The following CSMD1 variants were observed in gnomAD, a reference collection of about 807,000 sequenced individuals.
CSMD1 encodes CUB and sushi domain-containing protein 1.
Under a neutral mutation model 417.5 loss-of-function variants are expected in CSMD1, and 213 were observed. The ratio of observed to expected loss-of-function variants is 0.51; its 90% confidence interval spans 0.46 to 0.57. CSMD1 has a LOEUF of 0.57. Among genes scored for constraint, CSMD1 ranks in the 20% least tolerant of loss-of-function variants. CSMD1 has a pLI of 0.00. For synonymous variants in CSMD1, 2,862 were observed against 1,736.8 expected (o/e 1.65, Z -16.11); for missense variants, 6,923 against 4,529.7 (o/e 1.53, Z -15.17).
At chr8:3,104,975 G>A (rs1231592584) in intron 46 of CSMD1, among the ~76,000 whole-genome samples, 1 of 152,088 alleles carries the variant, frequency 6.6e-6, no homozygotes, top group Non-Finnish European at 1.5e-5. Flanking sequence ...CAGAATGCTG[G>A]GATTACAGGC....
chr8:4,082,241 T>C (rs1192076093), intron 3 of CSMD1, among the ~76,000 whole-genome samples: 1 of 152,250 alleles, frequency 6.6e-6, no homozygotes, highest in East Asian at 1.9e-4. Context: ...ATGGACAAAG[T>C]CCTAGAAAAT....
intron 3 of CSMD1, among the ~76,000 whole-genome samples, chr8:4,411,834 T>C (rs184737761): frequency 7.9e-5 from 12 of 152,360 alleles, no homozygotes; most frequent in Admixed American, 7.8e-4. Flanking sequence ...CTTTTATTTA[T>C]ATTTTTACCA....
intron 1 of CSMD1, among the ~76,000 whole-genome samples, chr8:4,931,944 T>C (rs371772694): frequency 4.6e-5 from 7 of 152,368 alleles, no homozygotes; most frequent in African/African-American, 1.4e-4. Flanking sequence ...TAAGAAATTC[T>C]TGTGTAACAT....
chr8:4,728,317 G>T (rs1488814910), intron 1 of CSMD1, among the ~76,000 whole-genome samples: 1 of 151,642 alleles, frequency 6.6e-6, no homozygotes, highest in Non-Finnish European at 1.5e-5. Flanking sequence ...ATATTTTAGT[G>T]GTTCTCTTTT....
At chr8:4,028,053 A>G (rs1797154255) in intron 4 of CSMD1, among the ~76,000 whole-genome samples, 1 of 152,174 alleles carries the variant, frequency 6.6e-6, no homozygotes. Flanking sequence ...TTTTGAGGCC[A>G]CCACTGTTTT....
chr8:3,381,229 C>G (rs983914884), intron 18 of CSMD1, among the ~76,000 whole-genome samples: 4 of 151,798 alleles, frequency 2.6e-5, no homozygotes, highest in Non-Finnish European at 5.9e-5. Flanking sequence ...AACAACTTGA[C>G]AAGCCCCATG....
At chr8:4,287,404 C>T (rs1305316062) in intron 3 of CSMD1, among the ~76,000 whole-genome samples, 1 of 152,114 alleles carries the variant, frequency 6.6e-6, no homozygotes, top group Non-Finnish European at 1.5e-5. Context: ...CCATGATTTC[C>T]ACCAGAAGGT....
At chr8:3,148,962 T>C (rs1352702026) in intron 40 of CSMD1, among the ~76,000 whole-genome samples, 1 of 152,256 alleles carries the variant, frequency 6.6e-6, no homozygotes, top group Non-Finnish European at 1.5e-5. Flanking sequence ...TTCATGCCTG[T>C]TTGATTTGAG....
intron 1 of CSMD1, among the ~76,000 whole-genome samples, chr8:4,726,812 T>G (rs1809490484): frequency 6.6e-6 from 1 of 152,206 alleles, no homozygotes; most frequent in South Asian, 2.1e-4. Context: ...AACAATTGAC[T>G]TGAAGATATA....
At chr8:4,876,591 C>T (rs1803055796) in intron 1 of CSMD1, among the ~76,000 whole-genome samples, 2 of 152,040 alleles carry the variant, frequency 1.3e-5, no homozygotes, top group African/African-American at 2.4e-5. Flanking sequence ...CATAATATAG[C>T]CTTTTTTTGT....
chr8:4,191,408 A>C (rs1036158694), intron 3 of CSMD1, among the ~76,000 whole-genome samples: 1 of 151,880 alleles, frequency 6.6e-6, no homozygotes, highest in Non-Finnish European at 1.5e-5. Flanking sequence ...AAAAAACAAA[A>C]AACAAAACAA....
At chr8:4,087,056 T>C (rs1585285220) in intron 3 of CSMD1, among the ~76,000 whole-genome samples, 1 of 152,208 alleles carries the variant, frequency 6.6e-6, no homozygotes, top group African/African-American at 2.4e-5. Context: ...TGCCTTGGGC[T>C]AGCCCAAGAG....
rs777606817 is a variant in CSMD1, at chr8:3,307,714, C to G, written c.3931G>C (p.Asp1311His). 5.6e-6 allele frequency: 9 copies of G among 1,613,468 alleles called. No homozygotes were observed. The highest frequency in any genetic ancestry group is 1.1e-5 in the South Asian group (1 of 91,048). ...NLHCTWIIEA[D>H]PGKTISLHFI... Reference sequence around the variant, plus strand: ...AAGTACCTAATGGTCTTTCCTGGGTCTGCCTCTATAATCCAGGTGCAGTGG... The same window carrying G: ...AAGTACCTAATGGTCTTTCCTGGGTGTGCCTCTATAATCCAGGTGCAGTGG... Residue 1311 changes from aspartate (D) to histidine (H), a missense_variant, in exon 25 of 70, where the codon GAC becomes CAC. By Grantham distance (81) the Asp-to-His change is moderately conservative. Transcript: ENST00000635120.
At chr8:3,489,934 G>A (rs1355358834) in intron 11 of CSMD1, among the ~76,000 whole-genome samples, 1 of 152,188 alleles carries the variant, frequency 6.6e-6, no homozygotes, top group Non-Finnish European at 1.5e-5. Context: ...TGTGTGTCAT[G>A]TGATCCTCTG....
At chr8:4,442,110 C>T (rs1232783458) in intron 2 of CSMD1, among the ~76,000 whole-genome samples, 1 of 152,148 alleles carries the variant, frequency 6.6e-6, no homozygotes, top group African/African-American at 2.4e-5. Flanking sequence ...AAATGCTTAT[C>T]TCCTCCCACT....
intron 5 of CSMD1, among the ~76,000 whole-genome samples, chr8:3,925,283 A>G (rs1163297237): frequency 1.3e-5 from 2 of 152,238 alleles, no homozygotes; most frequent in South Asian, 2.1e-4. Context: ...GATTGCTACA[A>G]TAACCCAAGA....
At chr8:3,891,197 C>T (rs377298900) in intron 5 of CSMD1, among the ~76,000 whole-genome samples, 15 of 152,184 alleles carry the variant, frequency 9.9e-5, no homozygotes, top group Middle Eastern at 6.8e-3. Context: ...AGGCATGTGC[C>T]ATCATGCCTG....
At chr8:3,386,871 CCTAA>C (rs1811035327) in intron 18 of CSMD1, among the ~76,000 whole-genome samples, 2 of 152,144 alleles carry the variant, frequency 1.3e-5, no homozygotes, top group Non-Finnish European at 2.9e-5. Flanking sequence ...AACATATTTA[CCTAA>C]CTGTTATTAT....
At chr8:4,696,630 A>G (rs1807150997) in intron 1 of CSMD1, among the ~76,000 whole-genome samples, 1 of 152,200 alleles carries the variant, frequency 6.6e-6, no homozygotes, top group African/African-American at 2.4e-5. Context: ...AACGTATTTC[A>G]TACTTTTTTC....
Sources: allele counts gnomAD v4.1 joint callset (sites outside exome capture counted in the v4.1 genomes callset), GRCh38; gene constraint gnomAD v4.1.1; transcripts MANE v1.5; gene names NCBI Gene and HGNC (gene_info 2026-07-23, HGNC 2026-07-21).